TASP1: variants seen among roughly 807,000 people sequenced by gnomAD.
The protein encoded by TASP1 is threonine aspartase 1.
Under a neutral mutation model 56.6 loss-of-function variants are expected in TASP1, and 16 were observed. The ratio of observed to expected loss-of-function variants is 0.28; its 90% CI spans 0.19 to 0.43. The LOEUF (loss-of-function observed/expected upper bound fraction) is 0.43, where lower values mean the gene tolerates loss of function less well. TASP1 is among the 20% of genes least tolerant of loss of function. TASP1 has a pLI of 1.00. For missense variants in TASP1, 393 were observed against 511.6 expected (o/e 0.77, Z 2.24); for synonymous variants, 179 against 184.2 (o/e 0.97, Z 0.23).
chr20:13,447,747 G>A (rs1306057067), intron 11 of TASP1, among the ~76,000 whole-genome samples: 1 of 152,082 alleles, frequency 6.6e-6, no homozygotes, highest in South Asian at 2.1e-4. Context: ...ATTTTGTTAA[G>A]CCCTTCTGTC....
chr20:13,518,296 C>T (rs1017476960), intron 10 of TASP1, among the ~76,000 whole-genome samples: 5 of 152,108 alleles, frequency 3.3e-5, no homozygotes, highest in African/African-American at 1.2e-4. Context: ...ATGTCACCAA[C>T]AGGACTAAGA....
At chr20:13,340,125 T>C in the TASP1 span, among the ~76,000 whole-genome samples, 1 of 152,054 alleles carries the variant, frequency 6.6e-6, no homozygotes, top group Non-Finnish European at 1.5e-5. Flanking sequence ...TAATGAGACC[T>C]CAACAGGGAA....
the TASP1 span, among the ~76,000 whole-genome samples, chr20:13,112,924 T>A: frequency 6.6e-6 from 1 of 152,350 alleles, no homozygotes; most frequent in East Asian, 1.9e-4. Context: ...GGCTCATGCC[T>A]GTAATCCTAT....
At chr20:13,178,488 A>G in the TASP1 span, among the ~76,000 whole-genome samples, 7 of 152,142 alleles carry the variant, frequency 4.6e-5, no homozygotes, top group Admixed American at 2.0e-4. Flanking sequence ...TAGCCAAAAT[A>G]GGTGATCTAC....
intron 8 of TASP1, among the ~76,000 whole-genome samples, chr20:13,534,858 C>T (rs1233796369): frequency 6.6e-6 from 1 of 152,096 alleles, no homozygotes; most frequent in East Asian, 1.9e-4. Flanking sequence ...GTTTATGGGT[C>T]ACCTGTGCAA....
chr20:13,636,762 T>C (rs2049326356), intron 1 of TASP1, among the ~76,000 whole-genome samples: 1 of 152,130 alleles, frequency 6.6e-6, no homozygotes, highest in South Asian at 2.1e-4. Context: ...GTTTCTACCA[T>C]TCAATGGAGG....
At chr20:13,416,374 G>A (rs1348402224) in intron 13 of TASP1, among the ~76,000 whole-genome samples, 2 of 152,156 alleles carry the variant, frequency 1.3e-5, no homozygotes, top group African/African-American at 4.8e-5. Flanking sequence ...TGAAGGTGAA[G>A]CAAAGGGGGA....
chr20:13,197,450 A>T, the TASP1 span, among the ~76,000 whole-genome samples: 3 of 152,202 alleles, frequency 2.0e-5, no homozygotes, highest in South Asian at 6.2e-4. Context: ...CTGGCCTCTG[A>T]ATCCCATAAC....
At chr20:13,393,174 T>C in intron 13 of TASP1, 1 of 685,916 alleles carries the variant, frequency 1.5e-6, no homozygotes, top group Non-Finnish European at 2.7e-6. Flanking sequence ...CTATGACAAC[T>C]TTGGTATCAT....
At chr20:13,258,228 G>A in the TASP1 span, among the ~76,000 whole-genome samples, 2 of 152,090 alleles carry the variant, frequency 1.3e-5, no homozygotes, top group African/African-American at 4.8e-5. Flanking sequence ...CTCCCTTGCT[G>A]TCTAGCTTCT....
chr20:13,126,599 G>A, the TASP1 span: 3 of 1,613,288 alleles, frequency 1.9e-6, no homozygotes, highest in Non-Finnish European at 2.5e-6. Flanking sequence ...AGGACCTCGT[G>A]GATTATTTAC....
chr20:13,283,927 C>T, the TASP1 span, among the ~76,000 whole-genome samples: 401 of 152,194 alleles, frequency 2.6e-3, 1 homozygote, highest in African/African-American at 9.3e-3. Context: ...GCCAGAGCAA[C>T]GTGGGCCAGA....
rs1568735023 is a variant in TASP1 at position 13,390,263 on chromosome 20, T to C, written c.*97A>G. On this transcript the variant is annotated 3_prime_UTR_variant, in exon 14 of 14. Coordinates refer to ENST00000337743, the MANE Select transcript of TASP1 (RefSeq NM_017714.3). Reference sequence around the variant, plus strand: ...GTGCACGAGGTTGCAATAGGAATTATAAAACAAGAAAGATAAAACAACCAA... The same window carrying C: ...GTGCACGAGGTTGCAATAGGAATTACAAAACAAGAAAGATAAAACAACCAA... 2 of 1,137,084 alleles carry C rather than the reference T, an allele frequency of 1.8e-6. No individual in the cohort carries two copies. The highest frequency in any genetic ancestry group is 2.6e-6 in the Non-Finnish European group (2 of 781,780). 70.4% of individuals were successfully genotyped at this position (1,137,084 alleles called of 1,614,324 possible).
At chr20:13,170,738 G>A in the TASP1 span, among the ~76,000 whole-genome samples, 2 of 152,186 alleles carry the variant, frequency 1.3e-5, no homozygotes, top group Non-Finnish European at 2.9e-5. Flanking sequence ...GTCGGCTGCA[G>A]TGCCCATGGC....
At chr20:13,615,509 T>G (rs1600172455) in intron 4 of TASP1, among the ~76,000 whole-genome samples, 1 of 150,578 alleles carries the variant, frequency 6.6e-6, no homozygotes, top group Non-Finnish European at 1.5e-5. Flanking sequence ...CTGGTTTTTT[T>G]TTTTTTTTTT....
chr20:13,479,755 C>T (rs551016843), intron 11 of TASP1, among the ~76,000 whole-genome samples: 2 of 152,290 alleles, frequency 1.3e-5, no homozygotes, highest in South Asian at 2.1e-4. Flanking sequence ...CTCAGCCTCC[C>T]GAAGTGCTAG....
the TASP1 span, among the ~76,000 whole-genome samples, chr20:13,174,998 G>A: frequency 1.2e-4 from 18 of 152,100 alleles, no homozygotes; most frequent in African/African-American, 3.6e-4. Flanking sequence ...GCCTGCCGCC[G>A]TGTAATATGT....
At chr20:13,356,957 ACTGTTAGCTTGGCAGTCTTGCT>A in the TASP1 span, among the ~76,000 whole-genome samples, 1 of 152,156 alleles carries the variant, frequency 6.6e-6, no homozygotes, top group Admixed American at 6.5e-5. Context: ...TAGAGTCACA[ACTGTTAGCTTGGCAGTCTTGCT>A]CTGTTAGCCC....
chr20:13,468,659 G>C (rs1326316501), intron 11 of TASP1, among the ~76,000 whole-genome samples: 2 of 152,088 alleles, frequency 1.3e-5, no homozygotes, highest in Admixed American at 6.6e-5. Flanking sequence ...AACCTTCAGT[G>C]TCATATGATT....
Sources: allele counts gnomAD v4.1 joint callset (sites outside exome capture counted in the v4.1 genomes callset), GRCh38; gene constraint gnomAD v4.1.1; transcripts MANE v1.5; gene names NCBI Gene and HGNC (gene_info 2026-07-23, HGNC 2026-07-21).